The following THRB variants were observed in gnomAD, a reference collection of about 807,000 sequenced individuals.
THRB encodes the protein nuclear receptor subfamily 1 group A member 2.
In THRB, 12 loss-of-function variants were observed where a neutral mutation model predicts 47.8. The observed-to-expected ratio is 0.25, with a 90% CI of 0.16 to 0.41. The LOEUF (loss-of-function observed/expected upper bound fraction) is 0.41, where lower values mean the gene tolerates loss of function less well. THRB is among the 10% of genes least tolerant of loss of function. The pLI is 1.00. For missense variants in THRB, 348 were observed against 589.2 expected (o/e 0.59, Z 4.24); for synonymous variants, 218 against 212.2 (o/e 1.03, Z -0.24).
chr3:24,208,400 A>G lies in THRB; in HGVS notation c.23-18066T>C, dbSNP rs576256134. Among the ~76,000 whole-genome samples the G allele has an allele frequency of 1.6e-4, 24 of 152,334 alleles. No individual in the cohort carries two copies. The East Asian group carries it at 4.2e-3, about 27-fold the overall frequency. On this transcript the variant is annotated intron_variant, in intron 4 of 10. Coordinates refer to ENST00000646209, the MANE Select transcript of THRB (RefSeq NM_001354712.2). ...GAGCCCGCATTGCCAAGACAATCCT[A>G]AGCCAAAAGAACAAAGCTGGAGGCA...
intron 2 of THRB, among the ~76,000 whole-genome samples, chr3:24,317,615 A>G (rs2058209393): frequency 6.6e-6 from 1 of 152,296 alleles, no homozygotes. Flanking sequence ...GAAGGCATAC[A>G]AAACACAACA....
intron 3 of THRB, among the ~76,000 whole-genome samples, chr3:24,285,992 T>C (rs2055244691): frequency 6.6e-6 from 1 of 152,172 alleles, no homozygotes. Context: ...ACCTTCATGA[T>C]GGGATTAGTG....
intron 2 of THRB, among the ~76,000 whole-genome samples, chr3:24,325,101 A>G (rs2058722126): frequency 6.6e-6 from 1 of 152,184 alleles, no homozygotes; most frequent in South Asian, 2.1e-4. Flanking sequence ...TACAGACAAT[A>G]AGAAGAAGCA....
intron 1 of THRB, among the ~76,000 whole-genome samples, chr3:24,367,375 T>A (rs553026382): frequency 6.6e-6 from 1 of 152,264 alleles, no homozygotes; most frequent in East Asian, 1.9e-4. Context: ...ACAGACAGGG[T>A]AGCAAACCCT....
intron 3 of THRB, among the ~76,000 whole-genome samples, chr3:24,281,750 C>T (rs1461475529): frequency 7.1e-6 from 1 of 141,818 alleles, no homozygotes; most frequent in Non-Finnish European, 1.5e-5. Flanking sequence ...ATCTACCAAG[C>T]AAATGGAAAA....
chr3:24,235,084 A>G (rs986575), intron 3 of THRB, among the ~76,000 whole-genome samples: 36,304 of 152,148 alleles, frequency 0.24, 5,414 homozygotes, highest in African/African-American at 0.42. Flanking sequence ...GAGTGGGATC[A>G]TTGCTATTAG....
At chr3:24,427,211 A>C (rs1474509540) in intron 1 of THRB, among the ~76,000 whole-genome samples, 3 of 152,014 alleles carry the variant, frequency 2.0e-5, no homozygotes, top group Non-Finnish European at 4.4e-5. Context: ...TGGAAAATGA[A>C]TACCCAGTGT....
At chr3:24,293,092 T>C (rs545139152) in intron 3 of THRB, among the ~76,000 whole-genome samples, 12 of 152,356 alleles carry the variant, frequency 7.9e-5, no homozygotes, top group African/African-American at 2.4e-4. Context: ...GTATAAAATA[T>C]AAGCTGGTTT....
intron 5 of THRB, among the ~76,000 whole-genome samples, chr3:24,158,869 TC>T (rs1409737813): frequency 2.1e-5 from 3 of 144,606 alleles, no homozygotes; most frequent in African/African-American, 7.7e-5. Context: ...TCTCTCTCTC[TC>T]TCGCATACTT....
chr3:24,287,957 C>A (rs1465362195), intron 3 of THRB, among the ~76,000 whole-genome samples: 1 of 152,226 alleles, frequency 6.6e-6, no homozygotes, highest in African/African-American at 2.4e-5. Flanking sequence ...TTACTGTGCA[C>A]TTGTCTTGGA....
intron 5 of THRB, among the ~76,000 whole-genome samples, chr3:24,166,931 A>C (rs1259494068): frequency 6.6e-6 from 1 of 152,156 alleles, no homozygotes; most frequent in East Asian, 1.9e-4. Flanking sequence ...CAGTCATTCA[A>C]CAAATTATGG....
chr3:24,336,783 G>A (rs1409254953), intron 2 of THRB, among the ~76,000 whole-genome samples: 15 of 150,052 alleles, frequency 1.0e-4, no homozygotes, highest in Admixed American at 6.0e-4. Context: ...GTGCAGTGGC[G>A]TGATCTCTGC....
chr3:24,272,322 G>A (rs1449000365), intron 3 of THRB, among the ~76,000 whole-genome samples: 1 of 149,694 alleles, frequency 6.7e-6, no homozygotes, highest in Non-Finnish European at 1.5e-5. Context: ...CTCTAGTCTG[G>A]GTGACAGAGT....
chr3:24,257,908 A>G (rs922492218), intron 3 of THRB, among the ~76,000 whole-genome samples: 4 of 152,230 alleles, frequency 2.6e-5, no homozygotes, highest in African/African-American at 9.6e-5. Flanking sequence ...CTGCAATTAG[A>G]AGCTCAGTTA....
intron 5 of THRB, among the ~76,000 whole-genome samples, chr3:24,183,786 A>C (rs2042229277): frequency 6.6e-6 from 1 of 151,602 alleles, no homozygotes; most frequent in Non-Finnish European, 1.5e-5. Flanking sequence ...AAATGGACTG[A>C]GGGTTACAGA....
chr3:24,342,466 C>G (rs1303217180), intron 1 of THRB, among the ~76,000 whole-genome samples: 1 of 152,116 alleles, frequency 6.6e-6, no homozygotes, highest in Non-Finnish European at 1.5e-5. Context: ...ACTGGCCACT[C>G]CAGCAGGAAC....
chr3:24,309,006 G>T (rs1350698374), intron 2 of THRB, among the ~76,000 whole-genome samples: 1 of 152,072 alleles, frequency 6.6e-6, no homozygotes, highest in Non-Finnish European at 1.5e-5. Flanking sequence ...TGCTCCCTTT[G>T]TCTGGAAAGC....
chr3:24,253,487 C>A (rs1505300), intron 3 of THRB, among the ~76,000 whole-genome samples: 111,839 of 152,116 alleles, frequency 0.74, 41,627 homozygotes, highest in African/African-American at 0.83. Context: ...ATGGAATAAG[C>A]AGCAGCAAAG....
intron 3 of THRB, among the ~76,000 whole-genome samples, chr3:24,282,871 C>G (rs2054776479): frequency 6.6e-6 from 1 of 151,324 alleles, no homozygotes; most frequent in Non-Finnish European, 1.5e-5. Context: ...TACACCCTCC[C>G]AAGACTAAAC....
Sources: gnomAD v4.1 joint callset for allele counts (sites outside exome capture counted in the v4.1 genomes callset) on GRCh38, gnomAD v4.1.1 for gene constraint, MANE v1.5 for transcripts, NCBI Gene and HGNC (gene_info 2026-07-23, HGNC 2026-07-21) for gene names.